The following IL1RAPL1 variants were observed in gnomAD, a reference collection of about 807,000 sequenced individuals.
The protein encoded by IL1RAPL1 is interleukin-1 receptor accessory protein-like 1.
IL1RAPL1 carries 3 observed loss-of-function variants against 48.4 expected under a neutral mutation model. The observed-to-expected ratio is 0.06, with a 90% CI of 0.03 to 0.16. The LOEUF (loss-of-function observed/expected upper bound fraction) is 0.16. Among genes scored for constraint, IL1RAPL1 ranks in the 10% least tolerant of loss-of-function variants. The probability of loss-of-function intolerance (pLI) is 1.00; values close to 1 mark genes in which losing one functional copy is unlikely to be tolerated. For synonymous variants in IL1RAPL1, 185 were observed against 187.7 expected (o/e 0.99, Z 0.12); for missense variants, 349 against 530.6 (o/e 0.66, Z 3.36).
intron 1 of IL1RAPL1, among the ~76,000 whole-genome samples, chrX:28,600,793 A>C (rs1379701659): frequency 8.9e-6 from 1 of 111,880 alleles, no homozygotes; most frequent in African/African-American, 3.3e-5. Context: ...ATTTGAAATC[A>C]TCGAAATAAT....
intron 5 of IL1RAPL1, among the ~76,000 whole-genome samples, chrX:29,540,179 A>G (rs1052122097): frequency 2.7e-5 from 3 of 111,101 alleles, no homozygotes; most frequent in Non-Finnish European, 5.7e-5. Flanking sequence ...CCCATTTTCA[A>G]TAGTGACAAA....
chrX:29,926,157 T>TA (rs1932889207), intron 8 of IL1RAPL1, among the ~76,000 whole-genome samples: 2 of 112,122 alleles, frequency 1.8e-5, no homozygotes, highest in African/African-American at 3.2e-5. Context: ...TAATCAGTTT[T>TA]AATATGGAAG....
intron 2 of IL1RAPL1, among the ~76,000 whole-genome samples, chrX:28,961,009 CAAAAAAAAAAA>C (rs397947609): frequency 1.1e-4 from 2 of 17,488 alleles, no homozygotes; most frequent in African/African-American, 4.2e-4. Flanking sequence ...GACTCCGTCT[CAAAAAAAAAAA>C]AAAAAAAAAA....
intron 2 of IL1RAPL1, among the ~76,000 whole-genome samples, chrX:29,026,833 A>G: frequency 8.9e-6 from 1 of 111,840 alleles, no homozygotes; most frequent in Non-Finnish European, 1.9e-5. Context: ...AAATAGGAGT[A>G]GAGATGAAAC....
At chrX:29,374,678 T>C (rs984118696) in intron 3 of IL1RAPL1, among the ~76,000 whole-genome samples, 1 of 109,229 alleles carries the variant, frequency 9.2e-6, no homozygotes, top group African/African-American at 3.3e-5. Context: ...GAATATTTGA[T>C]AAGCAGACAT....
At chrX:28,751,135 C>A (rs1025307356) in intron 1 of IL1RAPL1, among the ~76,000 whole-genome samples, 7 of 111,542 alleles carry the variant, frequency 6.3e-5, no homozygotes, top group Non-Finnish European at 1.3e-4. Context: ...CCTACTTAAT[C>A]TTTTTTGTAG....
intron 2 of IL1RAPL1, among the ~76,000 whole-genome samples, chrX:28,899,594 A>G (rs1433012906): frequency 1.8e-5 from 2 of 112,458 alleles, no homozygotes; most frequent in African/African-American, 6.5e-5. Context: ...GTGGGAGACT[A>G]TAACCTCTAT....
At chrX:28,737,104 T>G (rs1320106928) in intron 1 of IL1RAPL1, among the ~76,000 whole-genome samples, 1 of 103,486 alleles carries the variant, frequency 9.7e-6, no homozygotes, top group Non-Finnish European at 2.0e-5. Flanking sequence ...TTTCTTTTCT[T>G]TTCTCTTCTT....
At chrX:29,232,276 C>G (rs976653298) in intron 2 of IL1RAPL1, among the ~76,000 whole-genome samples, 2 of 111,302 alleles carry the variant, frequency 1.8e-5, no homozygotes, top group African/African-American at 3.3e-5. Context: ...GATGATAAGA[C>G]ATGATTTTAC....
chrX:29,438,959 C>T (rs1335975023), intron 5 of IL1RAPL1, among the ~76,000 whole-genome samples: 2 of 110,562 alleles, frequency 1.8e-5, no homozygotes, highest in African/African-American at 6.6e-5. Flanking sequence ...ACAGTTGGTG[C>T]TTATGAAGGG....
At chrX:29,534,182 C>T (rs1343216436) in intron 5 of IL1RAPL1, among the ~76,000 whole-genome samples, 1 of 111,329 alleles carries the variant, frequency 9.0e-6, no homozygotes, top group African/African-American at 3.3e-5. Context: ...TCTGTAATAG[C>T]AAGAGAAAAT....
intron 5 of IL1RAPL1, among the ~76,000 whole-genome samples, chrX:29,447,775 A>C (rs931067692): frequency 8.9e-6 from 1 of 112,485 alleles, no homozygotes; most frequent in African/African-American, 3.2e-5. Context: ...AATTGTTCAC[A>C]TACTCATTTG....
intron 2 of IL1RAPL1, among the ~76,000 whole-genome samples, chrX:28,842,130 C>A (rs1472750258): frequency 9.1e-6 from 1 of 110,117 alleles, no homozygotes; most frequent in East Asian, 2.9e-4. Context: ...ATTTTAGAAC[C>A]TTTCTAGCCA....
At chrX:28,681,415 C>G (rs1935057758) in intron 1 of IL1RAPL1, among the ~76,000 whole-genome samples, 1 of 111,624 alleles carries the variant, frequency 9.0e-6, no homozygotes, top group African/African-American at 3.3e-5. Context: ...AGATACTCAT[C>G]ATTGCTGAAT....
intron 5 of IL1RAPL1, among the ~76,000 whole-genome samples, chrX:29,634,722 T>C (rs1380865822): frequency 8.9e-6 from 1 of 111,960 alleles, no homozygotes; most frequent in Non-Finnish European, 1.9e-5. Context: ...ACCATCCTTC[T>C]GCACACAAAG....
intron 5 of IL1RAPL1, among the ~76,000 whole-genome samples, chrX:29,629,325 T>C (rs1924702501): frequency 9.0e-6 from 1 of 110,965 alleles, no homozygotes; most frequent in African/African-American, 3.3e-5. Context: ...TGTTTTTAAA[T>C]CAGGAAGTAT....
At chrX:29,386,700 G>C (rs1014989484) in intron 3 of IL1RAPL1, among the ~76,000 whole-genome samples, 2 of 105,243 alleles carry the variant, frequency 1.9e-5, no homozygotes, top group African/African-American at 7.2e-5. Flanking sequence ...ACACCACCAC[G>C]TCTGGCTAAT....
intron 2 of IL1RAPL1, among the ~76,000 whole-genome samples, chrX:29,127,358 A>G (rs1286449669): frequency 1.8e-5 from 2 of 111,746 alleles, no homozygotes; most frequent in African/African-American, 6.5e-5. Flanking sequence ...ATCTGCATAC[A>G]TAGCAAGTAC....
chrX:29,532,729 T>C (rs1467134892), intron 5 of IL1RAPL1, among the ~76,000 whole-genome samples: 1 of 112,342 alleles, frequency 8.9e-6, no homozygotes, highest in Non-Finnish European at 1.9e-5. Flanking sequence ...CAGTTGTTTC[T>C]TGAATTTTCA....
Sources: allele counts gnomAD v4.1 joint callset (sites outside exome capture counted in the v4.1 genomes callset), GRCh38; gene constraint gnomAD v4.1.1; transcripts MANE v1.5; gene names NCBI Gene and HGNC (gene_info 2026-07-23, HGNC 2026-07-21).